The following SGSM1 variants were observed in gnomAD, a reference collection of about 807,000 sequenced individuals.
SGSM1 encodes RUN and TBC1 domain containing 2.
In SGSM1, 73 loss-of-function variants were observed where a neutral mutation model predicts 133.8. That is an observed-to-expected ratio of 0.55 (90% CI 0.45 to 0.66). The LOEUF is 0.66. Ranked by LOEUF, SGSM1 falls within the 30% of genes least tolerant of loss-of-function variation. The probability of loss-of-function intolerance (pLI) is 0.00; values close to 1 mark genes in which losing one functional copy is unlikely to be tolerated. For missense variants in SGSM1, 1,213 were observed against 1,448.1 expected, an observed-to-expected ratio of 0.84 and a Z score of 2.64; for synonymous variants, 563 against 573.0, an observed-to-expected ratio of 0.98 and a Z score of 0.25.
intron 14 of SGSM1, among the ~76,000 whole-genome samples, chr22:24,881,797 G>A (rs1932348605): frequency 1.3e-5 from 2 of 152,174 alleles, no homozygotes; most frequent in Non-Finnish European, 2.9e-5. Flanking sequence ...TCTGAGAACT[G>A]AGGATGAAAT....
intron 16 of SGSM1, 47 bp from the exon 17 acceptor site, chr22:24,893,384 G>A: frequency 6.2e-7 from 1 of 1,600,522 alleles, no homozygotes; most frequent in Non-Finnish European, 8.5e-7. Flanking sequence ...CCCTCCCCAG[G>A]CGCCCCTTTG....
At chr22:24,906,371 C>T (rs773529440) in intron 21 of SGSM1, among the ~76,000 whole-genome samples, 18 of 152,172 alleles carry the variant, frequency 1.2e-4, no homozygotes, top group East Asian at 5.8e-4. Flanking sequence ...CTATTTTTGC[C>T]GCCAAAGGTT....
intron 2 of SGSM1, among the ~76,000 whole-genome samples, chr22:24,823,891 C>T (rs1928640520): frequency 6.6e-6 from 1 of 152,222 alleles, no homozygotes; most frequent in Non-Finnish European, 1.5e-5. Flanking sequence ...GCCTGGGCAA[C>T]ACACTCTGTC....
Position 24,924,185 on chromosome 22 carries a change from G to A in SGSM1, c.3194-1G>A, listed in dbSNP as rs1458975900. 6.2e-7 allele frequency: 1 copy of A among 1,613,938 alleles called. No individual in the cohort carries two copies. The highest frequency in any genetic ancestry group is 8.5e-7 in the Non-Finnish European group (1 of 1,179,880). ...TGAGATTTTTCTTTCTGCTCTTTCAGAAATGGCTGAGCGACACAACACCAA... is the reference window on the plus strand; with the variant it reads ...TGAGATTTTTCTTTCTGCTCTTTCAAAAATGGCTGAGCGACACAACACCAA... On this transcript the variant is annotated splice_acceptor_variant, in intron 24 of 24. Coordinates refer to ENST00000400358, the MANE Select transcript of SGSM1 (RefSeq NM_001098497.3). LOFTEE classifies it high-confidence loss of function.
chr22:24,815,603 G>T (rs1928019301), intron 2 of SGSM1, among the ~76,000 whole-genome samples: 1 of 152,158 alleles, frequency 6.6e-6, no homozygotes, highest in Non-Finnish European at 1.5e-5. Flanking sequence ...AAATTAGCCG[G>T]GCGTGGTGGC....
At chr22:24,851,523 G>C (rs1238812871) in intron 5 of SGSM1, among the ~76,000 whole-genome samples, 1 of 151,762 alleles carries the variant, frequency 6.6e-6, no homozygotes, top group Admixed American at 6.6e-5. Context: ...GAATATGAAA[G>C]TGCTGGCTTA....
intron 16 of SGSM1, among the ~76,000 whole-genome samples, chr22:24,890,829 A>G (rs1460997011): frequency 6.6e-6 from 1 of 152,248 alleles, no homozygotes; most frequent in African/African-American, 2.4e-5. Context: ...GGCGTGAGCC[A>G]ACTACCCCCA....
At chr22:24,819,523 C>T (rs893032417) in intron 2 of SGSM1, among the ~76,000 whole-genome samples, 3 of 152,212 alleles carry the variant, frequency 2.0e-5, no homozygotes, top group African/African-American at 7.2e-5. Flanking sequence ...GGCCCGAGGT[C>T]ACCCAGCAAA....
Position 24,901,870 on chromosome 22 carries a change from G to A in SGSM1, c.2648G>A (p.Arg883His), listed in dbSNP as rs761415497. ...LLDLYTVNLHRIEKDVQRCDR... is the reference protein window; with the variant it reads ...LLDLYTVNLHHIEKDVQRCDR... ...GATCTGTACACGGTGAACCTGCACC[G>A]CATCGAGAAGGATGTGCAGAGGTGC... The change falls in exon 20 of 25, where the codon CGC becomes CAC. Residue 883 changes from arginine to histidine, a missense_variant. Transcript: ENST00000400358. 10 of 1,611,914 alleles carry A rather than the reference G, an allele frequency of 6.2e-6. No individual in the cohort carries two copies. Among genetic ancestry groups the A allele is most frequent in the Admixed American group, 1.7e-5 (1 of 59,764 alleles).
intron 2 of SGSM1, among the ~76,000 whole-genome samples, chr22:24,810,825 C>A (rs1927691516): frequency 6.6e-6 from 1 of 152,146 alleles, no homozygotes; most frequent in African/African-American, 2.4e-5. Flanking sequence ...CTGAGCCTCC[C>A]AGCCTCTGGG....
intron 2 of SGSM1, among the ~76,000 whole-genome samples, chr22:24,840,882 G>T (rs1029665556): frequency 6.6e-6 from 1 of 151,754 alleles, no homozygotes; most frequent in Non-Finnish European, 1.5e-5. Flanking sequence ...ACGGAGTCTC[G>T]CTCTTTCACC....
rs764241355 is a variant in SGSM1 at position 24,898,371 on chromosome 22, G to A, written c.2422G>A (p.Glu808Lys). Residue 808 changes from glutamate to lysine, a missense_variant, in exon 19 of 25, where the codon GAA becomes AAA. Transcript: ENST00000400358. ...ITGSLDMALP[E>K]KDDVVMEGWR... ...GGGCAGCCTGGACATGGCCCTGCCT[G>A]AAAAGGACGATGTTGTGATGGAGGG... is the stretch of plus-strand genomic sequence containing the variant. The A allele has an allele frequency of 5.0e-6, 8 of 1,613,802 alleles. No individual in the cohort carries two copies. The highest frequency in any genetic ancestry group is 1.6e-4 in the Middle Eastern group (1 of 6,084).
chr22:24,863,460 G>A (rs924351868), intron 9 of SGSM1, among the ~76,000 whole-genome samples: 4 of 152,084 alleles, frequency 2.6e-5, no homozygotes, highest in South Asian at 2.1e-4. Context: ...CCCGGCCATC[G>A]TAGGCGCTTT....
In SGSM1 at chr22:24,893,552, G is replaced by C; in HGVS notation, c.1892G>C (p.Gly631Ala). ...GCCGCCCTGGCCAAATGCTCATCCG[G>C]GGCCAGCTTGGACAGCCACCTGCAC... ...HAAALAKCSSGASLDSHLHRM... is the reference protein window; with the variant it reads ...HAAALAKCSSAASLDSHLHRM... The change falls in exon 17 of 25, where the codon GGG (glycine) becomes GCG (alanine). Residue 631 changes from glycine (G) to alanine (A), a missense_variant. Gly to Ala is a moderately conservative substitution (Grantham distance 60). Transcript: ENST00000400358. 6.2e-7 allele frequency: 1 copy of C among 1,604,552 alleles called. No individual in the cohort carries two copies. The highest frequency in any genetic ancestry group is 8.5e-7 in the Non-Finnish European group (1 of 1,175,682).
chr22:24,834,330 CA>C (rs1294837497), intron 2 of SGSM1, among the ~76,000 whole-genome samples: 1 of 152,226 alleles, frequency 6.6e-6, no homozygotes, highest in Non-Finnish European at 1.5e-5. Context: ...CTGCTGGAGC[CA>C]AACATTCTTG....
intron 8 of SGSM1, among the ~76,000 whole-genome samples, chr22:24,857,395 G>A (rs1441847332): frequency 4.2e-5 from 5 of 119,610 alleles, no homozygotes; most frequent in Admixed American, 3.9e-4. Flanking sequence ...GCAACAGAGC[G>A]AGACTCTGTC....
intron 19 of SGSM1, among the ~76,000 whole-genome samples, chr22:24,899,705 T>C (rs1933059385): frequency 2.0e-5 from 3 of 152,024 alleles, no homozygotes; most frequent in Non-Finnish European, 1.5e-5. Flanking sequence ...GTGTTTTTAG[T>C]AGAGATAGGG....
At chr22:24,894,498 G>A (rs185009481) in intron 17 of SGSM1, among the ~76,000 whole-genome samples, 53 of 152,340 alleles carry the variant, frequency 3.5e-4, no homozygotes, top group Admixed American at 3.1e-3. Flanking sequence ...AACAGTCAGC[G>A]TTTATTTTTG....
intron 2 of SGSM1, among the ~76,000 whole-genome samples, chr22:24,815,095 G>T (rs1927988146): frequency 6.6e-6 from 1 of 152,214 alleles, no homozygotes; most frequent in Non-Finnish European, 1.5e-5. Flanking sequence ...AAGATGAGAT[G>T]AATAGATTTC....
Sources: allele counts gnomAD v4.1 joint callset (sites outside exome capture counted in the v4.1 genomes callset), GRCh38; gene constraint gnomAD v4.1.1; transcripts MANE v1.5; gene names NCBI Gene and HGNC (gene_info 2026-07-23, HGNC 2026-07-21).